MYO15A: variants seen among roughly 807,000 people sequenced by gnomAD.
MYO15A encodes the protein unconventional myosin-XV.
A neutral mutation model predicts 394.6 loss-of-function variants in MYO15A; 308 were observed. That is an observed-to-expected ratio of 0.78 (90% CI 0.71 to 0.86). The LOEUF (loss-of-function observed/expected upper bound fraction) is 0.86, where lower values mean the gene tolerates loss of function less well. Ranked by LOEUF, MYO15A falls within the 40% of genes least tolerant of loss-of-function variation. MYO15A has a pLI of 0.00. For synonymous variants in MYO15A, 1,957 were observed against 2,003.8 expected, an observed-to-expected ratio of 0.98 and a Z score of 0.62; for missense variants, 4,606 against 4,799.1, an observed-to-expected ratio of 0.96 and a Z score of 1.19.
Position 18,141,017 on chromosome 17 carries a change from A to T in MYO15A, c.5407-2A>T. 3 of 1,613,878 alleles carry T rather than the reference A, an allele frequency of 1.9e-6. No individual in the cohort carries two copies. Among genetic ancestry groups the T allele is most frequent in the Non-Finnish European group, 2.5e-6 (3 of 1,180,020 alleles). On this transcript the variant is annotated splice_acceptor_variant, in intron 21 of 65. Transcript: ENST00000647165. LOFTEE classifies it high-confidence loss of function. ...AGACTCCCTCTCTGGGCATCCCTAC[A>T]GGAGCCAGGTCTCTTTGAGCCAGAT...
At chr17:18,171,943 A>G (rs922032066) in intron 63 of MYO15A, among the ~76,000 whole-genome samples, 172 bp downstream of exon 63, 8 of 152,318 alleles carry the variant, frequency 5.3e-5, no homozygotes, top group Non-Finnish European at 7.4e-5. Flanking sequence ...GATGTCACCT[A>G]GGCTCAAAGT....
rs115669392 is a variant in MYO15A, at chr17:18,128,279, G to T, written c.4032+1114G>T. 9.7e-4 allele frequency among the ~76,000 whole-genome samples: 148 copies of T among 152,278 alleles called. 1 individual carries two copies. Among genetic ancestry groups the T allele is most frequent in the African/African-American group, 3.4e-3 (142 of 41,528 alleles). On this transcript the variant is annotated intron_variant, in intron 7 of 65. Coordinates refer to ENST00000647165, the MANE Select transcript of MYO15A (RefSeq NM_016239.4). ...GCATCTACACAGAGATGGCAGGGAG[G>T]TGATGGATGCACCACCAGCCTGGAG... is the stretch of plus-strand genomic sequence containing the variant.
At position 18,150,596 on chromosome 17, in the gene MYO15A, C is replaced by T. The variant is rs2046561837; in HGVS notation, c.7327+53C>T. The T allele has an allele frequency of 1.2e-6, 2 of 1,611,576 alleles. No homozygotes were observed. Among genetic ancestry groups the T allele is most frequent in the Non-Finnish European group, 8.5e-7 (1 of 1,178,216 alleles). On this transcript the variant is annotated intron_variant, in intron 36 of 65. Coordinates refer to ENST00000647165, the MANE Select transcript of MYO15A (RefSeq NM_016239.4). This position sits in a 1 kb window ranked among gnomAD's most constrained non-coding sequence, Gnocchi z 4.4. ...GGTTGGGCAGGGCCAGAGCCACTTG[C>T]TGGTGTGCTAGAATGGAGGCAGCCA... is the stretch of plus-strand genomic sequence containing the variant.
At chr17:18,164,313 G>C (rs944912276) in intron 60 of MYO15A, 1 of 225,898 alleles carries the variant, frequency 4.4e-6, no homozygotes, top group South Asian at 5.8e-5. Context: ...GCATCCCAAA[G>C]CCCCTTCCAT....
chr17:18,142,391 C>T, intron 24 of MYO15A, 137 bp downstream of exon 24: 3 of 1,090,442 alleles, frequency 2.8e-6, no homozygotes, highest in South Asian at 1.4e-5. Flanking sequence ...GGAGAATGAT[C>T]AGATTCTCTG....
At position 18,132,085 on chromosome 17, in the gene MYO15A, G is replaced by T. The variant is rs2046177625; in HGVS notation, c.4207-368G>T. On this transcript the variant is annotated intron_variant, in intron 10 of 65. Transcript: ENST00000647165. The surrounding 1 kb of genome is among the most constrained non-coding windows in gnomAD (Gnocchi z 4.6). ...TCCCAAGGGCCTAGGACAGGGCTTG[G>T]TGCACAGGAAGTGCTCAGCCATCAA... 6.6e-6 allele frequency among the ~76,000 whole-genome samples: 1 copy of T among 152,176 alleles called. No individual in the cohort carries two copies. Among genetic ancestry groups the T allele is most frequent in the South Asian group, 2.1e-4 (1 of 4,828 alleles).
In MYO15A at chr17:18,120,913, G is replaced by GC; in HGVS notation, c.2115dup (p.Ala706ArgfsTer274). 2 of 1,444,436 alleles carry GC rather than the reference G, an allele frequency of 1.4e-6. No homozygotes were observed. Among genetic ancestry groups the GC allele is most frequent in the Non-Finnish European group, 1.8e-6 (2 of 1,103,610 alleles). 89.5% of individuals were successfully genotyped at this position (1,444,436 alleles called of 1,614,324 possible). ...CCTCCGCCGCCACCCGCCGCCCTGG[G>GC]CCGCCCCAGCGCACGTGCCACCGGC... is the stretch of plus-strand genomic sequence containing the variant. On this transcript the variant is annotated frameshift_variant, in exon 2 of 66. Transcript: ENST00000647165. LOFTEE classifies it high-confidence loss of function.
chr17:18,168,567 C>CAA (rs769813064), intron 62 of MYO15A, among the ~76,000 whole-genome samples: 1 of 98,558 alleles, frequency 1.0e-5, no homozygotes, highest in Non-Finnish European at 2.2e-5. Flanking sequence ...GACTCCGTCT[C>CAA]AAAAAAAAAA....
chr17:18,172,481 C>G, intron 64 of MYO15A, 191 bp downstream of exon 64: 1 of 885,254 alleles, frequency 1.1e-6, no homozygotes. Flanking sequence ...AGAGTTGAGC[C>G]CCACCCATAG....
chr17:18,140,076 C>T (rs1025945112), intron 19 of MYO15A, among the ~76,000 whole-genome samples: 2 of 152,218 alleles, frequency 1.3e-5, no homozygotes, highest in South Asian at 2.1e-4. Flanking sequence ...TCCTTGAAGG[C>T]TTGGGGAGGC....
At position 18,118,061 on chromosome 17, in the gene MYO15A, C is replaced by T. The variant is rs192181021; in HGVS notation, c.-219-521C>T. Reference sequence around the variant, plus strand: ...ATTTCTGCCTCTCTACCCCTGCCCCCGCCCCAACACACACACACACACAAG... The same window carrying T: ...ATTTCTGCCTCTCTACCCCTGCCCCTGCCCCAACACACACACACACACAAG... On this transcript the variant is annotated intron_variant, in intron 1 of 65. Coordinates refer to ENST00000647165, the MANE Select transcript of MYO15A (RefSeq NM_016239.4). Among the ~76,000 whole-genome samples, 837 of 152,220 alleles carry T rather than the reference C, an allele frequency of 5.5e-3. 11 individuals carry two copies. Among genetic ancestry groups the T allele is most frequent in the African/African-American group, 0.019 (772 of 41,522 alleles).
Position 18,120,606 on chromosome 17 carries a change from CAG to C in MYO15A, c.1807_1808del (p.Arg603GlyfsTer376), listed in dbSNP as rs1567622708. 6.3e-7 allele frequency: 1 copy of C among 1,598,096 alleles called. No homozygotes were observed. The highest frequency in any genetic ancestry group is 8.5e-7 in the Non-Finnish European group (1 of 1,174,576). The stretch of plus-strand genomic sequence containing the variant: ...AGGCCCGGGCGGGCGGCCCTGCTGT[CAG>C]GGAGGCGGCCTACAAACGCTTCGGC... ...QKARAGGPAV[R>X]EAAYKRFGYK... is the part of the protein sequence containing the mutation. On this transcript the variant is annotated frameshift_variant, in exon 2 of 66. Coordinates refer to ENST00000647165, the MANE Select transcript of MYO15A (RefSeq NM_016239.4). LOFTEE classifies it high-confidence loss of function.
At chr17:18,156,063 G>A (rs1189758729) in intron 47 of MYO15A, 132 bp from the exon 48 acceptor site, 6 of 1,406,220 alleles carry the variant, frequency 4.3e-6, no homozygotes, top group Admixed American at 1.9e-5. Flanking sequence ...TTAGGGTTCT[G>A]TGGGAGCTGG....
Position 18,157,065 on chromosome 17 carries a change from G to T in MYO15A, c.8713G>T (p.Gly2905Cys), listed in dbSNP as rs1262843225. 1.2e-6 allele frequency: 2 copies of T among 1,613,890 alleles called. No homozygotes were observed. Among genetic ancestry groups the T allele is most frequent in the East Asian group, 2.2e-5 (1 of 44,900 alleles). ...HLQPLEPPRV[G>C]YSAGCVVRRK... ...GCAGCCCCTAGAGCCACCTCGAGTGGGTCAGTGCCACTGGGGTGGGCTGGG... is the reference window on the plus strand; with the variant it reads ...GCAGCCCCTAGAGCCACCTCGAGTGTGTCAGTGCCACTGGGGTGGGCTGGG... Residue 2905 changes from glycine (G) to cysteine (C), a missense_variant and splice_region_variant, in exon 49 of 66, where the codon GGC (glycine) becomes TGC (cysteine). Coordinates refer to ENST00000647165, the MANE Select transcript of MYO15A (RefSeq NM_016239.4).
intron 29 of MYO15A, 100 bp from the exon 30 acceptor site, chr17:18,145,772 G>C: frequency 2.1e-6 from 2 of 968,550 alleles, no homozygotes; most frequent in Non-Finnish European, 3.3e-6. Context: ...ATATGGGCAG[G>C]GGCACACATG....
chr17:18,121,127 C>A lies in MYO15A; in HGVS notation c.2327C>A (p.Pro776His), dbSNP rs1162164452. The change falls in exon 2 of 66, where the codon CCC (proline) becomes CAC (histidine). Residue 776 changes from proline (P) to histidine (H), a missense_variant. By Grantham distance (77) the Pro-to-His change is moderately conservative. Around this residue, in one of 2 missense-constraint regions of MYO15A, gnomAD observed 1,830 missense variants for 1,689.7 expected, o/e 1.08. Transcript: ENST00000647165. The surrounding 1 kb of genome is among the most constrained non-coding windows in gnomAD (Gnocchi z 5.3). ...CGAGCTTGGTCACCGCTGGCCTCGCCCCAGCCCTCGCTGAGGAGCTCGCCG... is the reference window on the plus strand; with the variant it reads ...CGAGCTTGGTCACCGCTGGCCTCGCACCAGCCCTCGCTGAGGAGCTCGCCG... ...RRRAWSPLASPQPSLRSSPGL... is the reference protein window; with the variant it reads ...RRRAWSPLASHQPSLRSSPGL... The A allele has an allele frequency of 4.0e-6, 6 of 1,508,704 alleles. No homozygotes were observed. In the African/African-American group the frequency reaches 8.6e-5, roughly 22 times the overall value. 93.5% of individuals were successfully genotyped at this position (1,508,704 alleles called of 1,614,324 possible).
intron 5 of MYO15A, 31 bp downstream of exon 5, chr17:18,126,487 C>G: frequency 6.3e-7 from 1 of 1,592,068 alleles, no homozygotes; most frequent in Non-Finnish European, 8.6e-7. Context: ...GCCCTGGGGT[C>G]TCTTGGGCCC....
Position 18,119,472 on chromosome 17 carries a change from C to G in MYO15A, c.672C>G (p.Tyr224Ter). Residue 224 changes from tyrosine to a stop codon, truncating the protein, a stop_gained, in exon 2 of 66, where the codon TAC becomes TAG. Coordinates refer to ENST00000647165, the MANE Select transcript of MYO15A (RefSeq NM_016239.4). LOFTEE classifies it high-confidence loss of function. ...FHHSGSRKSL[Y>*]GLEGFQDLGE... is the part of the protein sequence containing the mutation. ...ACTCGGGCTCCCGCAAGTCGCTGTA[C>G]GGGCTTGAGGGCTTCCAGGACCTGG... 1 of 1,612,720 alleles carries G rather than the reference C, an allele frequency of 6.2e-7. No homozygotes were observed. Among genetic ancestry groups the G allele is most frequent in the East Asian group, 2.2e-5 (1 of 44,856 alleles).
chr17:18,133,510 T>C, intron 12 of MYO15A, 124 bp downstream of exon 12: 1 of 1,325,848 alleles, frequency 7.5e-7, no homozygotes, highest in South Asian at 1.5e-5. Context: ...TGTTTTTTTC[T>C]TTTTTCCTTT....
Sources: allele counts gnomAD v4.1 joint callset (sites outside exome capture counted in the v4.1 genomes callset), GRCh38; gene constraint gnomAD v4.1.1; regional missense constraint gnomAD v4.1.1; non-coding constraint Gnocchi (gnomAD v3.1); transcripts MANE v1.5; gene names NCBI Gene and HGNC (gene_info 2026-07-23, HGNC 2026-07-21).